Variants in SLIT3 observed in about 807,000 individuals in gnomAD.
SLIT3 encodes the protein slit guidance ligand 3.
A neutral mutation model predicts 184.0 loss-of-function variants in SLIT3; 68 were observed. The observed-to-expected ratio is 0.37, with a 90% CI of 0.30 to 0.45. The LOEUF is 0.45. Ranked by LOEUF, SLIT3 falls within the 20% of genes least tolerant of loss-of-function variation. SLIT3 has a pLI of 1.00. For synonymous variants in SLIT3, 831 were observed against 828.6 expected, an observed-to-expected ratio of 1.00 and a Z score of -0.05; for missense variants, 1,707 against 2,026.0, an observed-to-expected ratio of 0.84 and a Z score of 3.02.
chr5:169,183,792 T>G (rs1172776461), intron 4 of SLIT3, among the ~76,000 whole-genome samples: 2 of 152,224 alleles, frequency 1.3e-5, no homozygotes, highest in Non-Finnish European at 2.9e-5. Context: ...AGACCATGGT[T>G]TATTCCCCCA....
intron 4 of SLIT3, among the ~76,000 whole-genome samples, chr5:169,130,539 T>C (rs538641380): frequency 1.3e-5 from 2 of 152,210 alleles, no homozygotes; most frequent in Non-Finnish European, 2.9e-5. Flanking sequence ...AGGTGTCATA[T>C]GAATAAGCAT....
chr5:169,019,666 A>G (rs1756523668), intron 4 of SLIT3, among the ~76,000 whole-genome samples: 1 of 152,230 alleles, frequency 6.6e-6, no homozygotes, highest in South Asian at 2.1e-4. Flanking sequence ...GCAGGGGAGC[A>G]TATGGAAAAT....
chr5:168,912,420 T>C (rs1250692055), intron 4 of SLIT3, among the ~76,000 whole-genome samples: 2 of 152,102 alleles, frequency 1.3e-5, no homozygotes, highest in Non-Finnish European at 2.9e-5. Context: ...AAGGGTCAAA[T>C]GTATATAGCA....
intron 3 of SLIT3, among the ~76,000 whole-genome samples, chr5:169,195,884 ACATAT>A (rs1314172548): frequency 3.3e-5 from 5 of 152,168 alleles, no homozygotes; most frequent in African/African-American, 9.7e-5. Flanking sequence ...CAGTAAAATC[ACATAT>A]CATGAGATTT....
intron 3 of SLIT3, among the ~76,000 whole-genome samples, chr5:169,230,364 A>G (rs1476407796): frequency 1.3e-5 from 2 of 152,230 alleles, no homozygotes; most frequent in Non-Finnish European, 2.9e-5. Flanking sequence ...GCTAGAACCC[A>G]CTAAACCTCT....
chr5:168,900,019 C>T (rs1324926836), intron 4 of SLIT3, among the ~76,000 whole-genome samples: 1 of 152,118 alleles, frequency 6.6e-6, no homozygotes, highest in Admixed American at 6.5e-5. Flanking sequence ...CAAAATAAGG[C>T]ATACAAATGG....
chr5:168,900,652 A>T (rs557476090), intron 4 of SLIT3, among the ~76,000 whole-genome samples: 3 of 152,186 alleles, frequency 2.0e-5, no homozygotes, highest in Admixed American at 2.0e-4. Flanking sequence ...AACAAAAACA[A>T]TTGCACTTGT....
At chr5:168,869,343 G>A (rs375075521) in intron 5 of SLIT3, among the ~76,000 whole-genome samples, 28 of 152,280 alleles carry the variant, frequency 1.8e-4, no homozygotes, top group African/African-American at 4.3e-4. Flanking sequence ...ATGTGACCCT[G>A]GGTAAATCAT....
intron 4 of SLIT3, among the ~76,000 whole-genome samples, chr5:168,910,920 A>G (rs1032811745): frequency 2.0e-5 from 3 of 152,122 alleles, no homozygotes; most frequent in Non-Finnish European, 4.4e-5. Context: ...ATCCCATGAG[A>G]TTGGCATGGA....
At chr5:168,962,174 G>A (rs1323731053) in intron 4 of SLIT3, among the ~76,000 whole-genome samples, 1 of 152,098 alleles carries the variant, frequency 6.6e-6, no homozygotes, top group African/African-American at 2.4e-5. Flanking sequence ...TGTCCCACAG[G>A]CTCAGGGCAT....
intron 5 of SLIT3, among the ~76,000 whole-genome samples, chr5:168,863,403 G>T (rs182352893): frequency 1.3e-5 from 2 of 152,332 alleles, no homozygotes; most frequent in East Asian, 3.9e-4. Flanking sequence ...TTTTCCAAAG[G>T]TCATGGGGTT....
chr5:169,180,701 CT>C (rs1763125269), intron 4 of SLIT3, among the ~76,000 whole-genome samples: 1 of 152,176 alleles, frequency 6.6e-6, no homozygotes, highest in Non-Finnish European at 1.5e-5. Flanking sequence ...CTGTCTTTCC[CT>C]GCTGCTTCTT....
chr5:169,277,506 GGGA>G lies in SLIT3; in HGVS notation c.197+23004_197+23006del, dbSNP rs1581131818. Among the ~76,000 whole-genome samples, 5 of 152,320 alleles carry G rather than the reference GGGA, an allele frequency of 3.3e-5. No individual in the cohort carries two copies. The East Asian group carries it at 9.6e-4, about 29-fold the overall frequency. On this transcript the variant is annotated intron_variant, in intron 1 of 35. Transcript: ENST00000519560. Reference sequence around the variant, plus strand: ...GCCTGCCTTGGCCTCCCAAAGTGCTGGGATTACAGAGGTGACCCACCACGAGTG... The same window carrying G: ...GCCTGCCTTGGCCTCCCAAAGTGCTGTTACAGAGGTGACCCACCACGAGTG...
intron 4 of SLIT3, among the ~76,000 whole-genome samples, chr5:169,084,511 C>T (rs1759210420): frequency 6.8e-6 from 1 of 146,582 alleles, no homozygotes; most frequent in Admixed American, 6.9e-5. Context: ...GGGGTTTCAC[C>T]ATGTTAGGCT....
intron 5 of SLIT3, among the ~76,000 whole-genome samples, chr5:168,878,009 C>T (rs752420123): frequency 4.6e-5 from 7 of 152,118 alleles, no homozygotes; most frequent in Non-Finnish European, 8.8e-5. Flanking sequence ...TCCCTCCTCT[C>T]TCCTTTTCGC....
chr5:168,723,827 G>T (rs1371897405), intron 21 of SLIT3, among the ~76,000 whole-genome samples: 2 of 152,018 alleles, frequency 1.3e-5, no homozygotes, highest in Non-Finnish European at 2.9e-5. Flanking sequence ...GATTTAATTG[G>T]TCTAGCATGG....
intron 26 of SLIT3, among the ~76,000 whole-genome samples, chr5:168,701,215 A>G (rs1049674331): frequency 1.3e-5 from 2 of 152,234 alleles, no homozygotes; most frequent in African/African-American, 2.4e-5. Flanking sequence ...CTAGAAGATA[A>G]CATTACCATG....
intron 4 of SLIT3, chr5:169,013,515 C>T (rs1756241175): frequency 6.6e-6 from 1 of 152,204 alleles, no homozygotes; most frequent in Non-Finnish European, 1.5e-5. Flanking sequence ...CTCTCAGAGA[C>T]CTGACCACAG....
chr5:168,680,537 T>C (rs10078145), intron 32 of SLIT3, among the ~76,000 whole-genome samples: 1 of 152,228 alleles, frequency 6.6e-6, no homozygotes, highest in Non-Finnish European at 1.5e-5. Context: ...CTCCCCCAGT[T>C]AGAATAGCTT....
Sources: gnomAD v4.1 joint callset for allele counts (sites outside exome capture counted in the v4.1 genomes callset) on GRCh38, gnomAD v4.1.1 for gene constraint, MANE v1.5 for transcripts, NCBI Gene and HGNC (gene_info 2026-07-23, HGNC 2026-07-21) for gene names.